The following KCNT2 variants were observed in gnomAD, a reference collection of about 807,000 sequenced individuals.
The protein encoded by KCNT2 is potassium channel subfamily T member 2.
A neutral mutation model predicts 153.8 loss-of-function variants in KCNT2; 67 were observed. The observed-to-expected ratio is 0.44, with a 90% CI of 0.36 to 0.53. The LOEUF (loss-of-function observed/expected upper bound fraction) is 0.53, where lower values mean the gene tolerates loss of function less well. Among genes scored for constraint, KCNT2 ranks in the 20% least tolerant of loss-of-function variants. The probability of loss-of-function intolerance (pLI) is 0.00; values close to 1 mark genes in which losing one functional copy is unlikely to be tolerated. For synonymous variants in KCNT2, 500 were observed against 458.8 expected (o/e 1.09, Z -1.15); for missense variants, 975 against 1,354.8 (o/e 0.72, Z 4.40).
intron 12 of KCNT2, among the ~76,000 whole-genome samples, chr1:196,409,867 C>T (rs1382405242): frequency 1.3e-5 from 2 of 151,428 alleles, no homozygotes; most frequent in African/African-American, 2.4e-5. Flanking sequence ...TTTGAAAAAC[C>T]GCCATATTGT....
chr1:196,576,628 C>T (rs532835570), intron 1 of KCNT2, among the ~76,000 whole-genome samples: 12 of 152,026 alleles, frequency 7.9e-5, no homozygotes, highest in Admixed American at 3.3e-4. Context: ...ATGGAAAATA[C>T]TGCCAATATG....
intron 8 of KCNT2, among the ~76,000 whole-genome samples, chr1:196,463,486 G>A (rs943170344): frequency 9.2e-5 from 14 of 151,664 alleles, no homozygotes; most frequent in African/African-American, 3.4e-4. Context: ...ATTGTATGTA[G>A]TTAAACTTAA....
chr1:196,417,675 T>C (rs1672864044), intron 12 of KCNT2, among the ~76,000 whole-genome samples: 1 of 152,148 alleles, frequency 6.6e-6, no homozygotes, highest in South Asian at 2.1e-4. Flanking sequence ...CCTTTGAATA[T>C]ACAAGTCATG....
Position 196,509,163 on chromosome 1 carries a change from G to C in KCNT2, c.96-16822C>G, listed in dbSNP as rs895437560. Among the ~76,000 whole-genome samples the C allele has an allele frequency of 2.6e-5, 4 of 151,692 alleles. No individual in the cohort carries two copies. The East Asian group carries it at 5.8e-4, about 22-fold the overall frequency. On this transcript the variant is annotated intron_variant, in intron 1 of 27. Coordinates refer to ENST00000294725, the MANE Select transcript of KCNT2 (RefSeq NM_198503.5). ...GTGTGCCTGTAATCCTAGCTACTCG[G>C]GAGGCTGAGGCAGGAGAATCGCTTG...
chr1:196,346,007 G>A (rs1303254620), intron 14 of KCNT2, among the ~76,000 whole-genome samples: 2 of 152,010 alleles, frequency 1.3e-5, no homozygotes, highest in African/African-American at 2.4e-5. Context: ...GTGTATGTGA[G>A]GTTTCACAAA....
intron 18 of KCNT2, among the ~76,000 whole-genome samples, chr1:196,330,399 C>T (rs780974215): frequency 6.6e-6 from 1 of 151,716 alleles, no homozygotes; most frequent in Non-Finnish European, 1.5e-5. Context: ...AAGTTAGTTG[C>T]CCAAATTACA....
chr1:196,445,903 A>G (rs1369933703), intron 8 of KCNT2, among the ~76,000 whole-genome samples: 1 of 149,166 alleles, frequency 6.7e-6, no homozygotes, highest in Non-Finnish European at 1.5e-5. Context: ...GGCCTCTTAG[A>G]CCAAAAAAAA....
Position 196,484,514 on chromosome 1 carries a change from A to C in KCNT2, c.276-2135T>G, listed in dbSNP as rs967770615. On this transcript the variant is annotated intron_variant, in intron 3 of 27. Transcript: ENST00000294725. Reference sequence around the variant, plus strand: ...GATTATAGTTTCTTTTGATGTGCACAAGCTCTTTAGTTTAATAAGATCCTG... The same window carrying C: ...GATTATAGTTTCTTTTGATGTGCACCAGCTCTTTAGTTTAATAAGATCCTG... 1.4e-4 allele frequency among the ~76,000 whole-genome samples: 21 copies of C among 152,078 alleles called. No individual in the cohort carries two copies. The South Asian group carries it at 4.4e-3, about 32-fold the overall frequency.
chr1:196,277,547 G>A, intron 25 of KCNT2, among the ~76,000 whole-genome samples: 1 of 152,080 alleles, frequency 6.6e-6, no homozygotes, highest in East Asian at 1.9e-4. Flanking sequence ...TGTTTATATG[G>A]AGAGACTGAC....
At chr1:196,256,197 G>T (rs900757453) in intron 26 of KCNT2, among the ~76,000 whole-genome samples, 1 of 151,802 alleles carries the variant, frequency 6.6e-6, no homozygotes, top group Non-Finnish European at 1.5e-5. Flanking sequence ...TCAAGCATCA[G>T]ATTTTCAAAA....
chr1:196,271,205 C>A (rs2477355), intron 25 of KCNT2, among the ~76,000 whole-genome samples: 32,587 of 151,838 alleles, frequency 0.21, 4,440 homozygotes, highest in Non-Finnish European at 0.28. Context: ...TATTTGTATT[C>A]TTATGTAAAT....
At chr1:196,400,033 A>G (rs1671277344) in intron 12 of KCNT2, among the ~76,000 whole-genome samples, 2 of 151,820 alleles carry the variant, frequency 1.3e-5, no homozygotes, top group Non-Finnish European at 2.9e-5. Flanking sequence ...CAAGATAGTA[A>G]CTTTAAGTTA....
intron 1 of KCNT2, among the ~76,000 whole-genome samples, chr1:196,527,246 A>G (rs1469552601): frequency 6.6e-6 from 1 of 152,158 alleles, no homozygotes; most frequent in Non-Finnish European, 1.5e-5. Context: ...ATGGCAAGTT[A>G]TCTCTTTTAT....
chr1:196,505,550 T>C (rs900703540), intron 1 of KCNT2, among the ~76,000 whole-genome samples: 1 of 151,812 alleles, frequency 6.6e-6, no homozygotes, highest in African/African-American at 2.4e-5. Flanking sequence ...TGGCTTAGGA[T>C]TGACTTGGTG....
At chr1:196,573,128 TG>T (rs1159162571) in intron 1 of KCNT2, among the ~76,000 whole-genome samples, 1 of 152,082 alleles carries the variant, frequency 6.6e-6, no homozygotes. Context: ...AGAAATTTAG[TG>T]TATTATATTT....
At chr1:196,250,649 TC>T (rs1655881733) in intron 26 of KCNT2, among the ~76,000 whole-genome samples, 2 of 152,026 alleles carry the variant, frequency 1.3e-5, no homozygotes, top group South Asian at 2.1e-4. Flanking sequence ...AAAAGCTTAT[TC>T]ACAGCAAAGG....
At chr1:196,416,095 C>A (rs1672732671) in intron 12 of KCNT2, among the ~76,000 whole-genome samples, 2 of 151,996 alleles carry the variant, frequency 1.3e-5, no homozygotes, top group Non-Finnish European at 2.9e-5. Context: ...ATGAATTATC[C>A]TTTTGTCCAG....
At chr1:196,463,348 T>C (rs1390353910) in intron 8 of KCNT2, among the ~76,000 whole-genome samples, 7 of 151,912 alleles carry the variant, frequency 4.6e-5, no homozygotes, top group East Asian at 3.9e-4. Context: ...TTTATGATGA[T>C]GATCATAAGT....
intron 1 of KCNT2, among the ~76,000 whole-genome samples, chr1:196,503,443 C>T (rs549855482): frequency 6.3e-4 from 96 of 152,280 alleles, no homozygotes; most frequent in Non-Finnish European, 1.2e-3. Context: ...CCAATCAAAA[C>T]TCTTCATAAC....
Sources: allele counts gnomAD v4.1 joint callset (sites outside exome capture counted in the v4.1 genomes callset), GRCh38; gene constraint gnomAD v4.1.1; transcripts MANE v1.5; gene names NCBI Gene and HGNC (gene_info 2026-07-23, HGNC 2026-07-21).